Variants in DHX57 observed in about 807,000 individuals in gnomAD.
The protein encoded by DHX57 is putative ATP-dependent RNA helicase DHX57.
Under a neutral mutation model 156.2 loss-of-function variants are expected in DHX57, and 105 were observed. The ratio of observed to expected loss-of-function variants is 0.67; its 90% CI spans 0.57 to 0.79. The LOEUF (loss-of-function observed/expected upper bound fraction) is 0.79. Among genes scored for constraint, DHX57 ranks in the 30% least tolerant of loss-of-function variants. The probability of loss-of-function intolerance (pLI) is 0.00; values close to 1 mark genes in which losing one functional copy is unlikely to be tolerated. For missense variants in DHX57, 1,847 were observed against 1,661.9 expected, an observed-to-expected ratio of 1.11 and a Z score of -1.94; for synonymous variants, 704 against 595.6, an observed-to-expected ratio of 1.18 and a Z score of -2.65.
chr2:38,862,859 A>G (rs1003976723), intron 3 of DHX57: 6 of 156,726 alleles, frequency 3.8e-5, no homozygotes, highest in African/African-American at 1.4e-4. Flanking sequence ...GCTGTTCATG[A>G]CTGGCCACTA....
chr2:38,798,577 C>T (rs1669505195), intron 23 of DHX57, 135 bp from the exon 24 acceptor site: 11 of 986,192 alleles, frequency 1.1e-5, no homozygotes, highest in Middle Eastern at 2.3e-4. Context: ...AGCAAAAACC[C>T]TAAATACATT....
intron 17 of DHX57, among the ~76,000 whole-genome samples, chr2:38,822,551 G>C (rs1039805656): frequency 1.3e-4 from 20 of 151,750 alleles, no homozygotes; most frequent in African/African-American, 4.6e-4. Context: ...ACATCACCAC[G>C]CCTGGCTAAT....
Position 38,802,794 on chromosome 2 carries a change from A to C in DHX57, c.3938T>G (p.Val1313Gly). The part of the protein sequence containing the change: ...YPLVLFGGGQ[V>G]NVQLQRGEFV... ...CTCTCCTCTTTGAAGCTGCACATTC[A>C]CTTGGCCTCCTCCAAACAAGACCAG... The change falls in exon 23 of 24, where the codon GTG becomes GGG. Residue 1313 changes from valine to glycine, a missense_variant. Transcript: ENST00000457308. 1 of 1,614,120 alleles carries C rather than the reference A, an allele frequency of 6.2e-7. No homozygotes were observed. Among genetic ancestry groups the C allele is most frequent in the Non-Finnish European group, 8.5e-7 (1 of 1,180,026 alleles).
At chr2:38,857,952 G>C (rs368623925) in intron 6 of DHX57, among the ~76,000 whole-genome samples, 19 of 152,250 alleles carry the variant, frequency 1.2e-4, no homozygotes, top group African/African-American at 4.3e-4. Flanking sequence ...ATGTTTTCCA[G>C]GCTGGCATTG....
At chr2:38,855,732 G>A (rs1672864194) in intron 7 of DHX57, among the ~76,000 whole-genome samples, 1 of 152,126 alleles carries the variant, frequency 6.6e-6, no homozygotes, top group Non-Finnish European at 1.5e-5. Context: ...AATGAAGTCT[G>A]CAATTTGTCC....
intron 13 of DHX57, among the ~76,000 whole-genome samples, chr2:38,836,924 C>G (rs1172535313): frequency 6.6e-6 from 1 of 152,024 alleles, no homozygotes; most frequent in African/African-American, 2.4e-5. Context: ...GCGATCATGG[C>G]TCATGGCAGC....
intron 13 of DHX57, among the ~76,000 whole-genome samples, chr2:38,836,481 T>C (rs968071282): frequency 6.6e-6 from 1 of 152,218 alleles, no homozygotes; most frequent in African/African-American, 2.4e-5. Context: ...ACTGTAAGAA[T>C]ACAGTATGTA....
At chr2:38,822,347 C>G (rs1374323236) in intron 17 of DHX57, among the ~76,000 whole-genome samples, 1 of 152,100 alleles carries the variant, frequency 6.6e-6, no homozygotes, top group South Asian at 2.1e-4. Flanking sequence ...TCCCAAAGAG[C>G]TGGGATTACA....
At position 38,862,263 on chromosome 2, in the gene DHX57, C is replaced by A; in HGVS notation, c.454G>T (p.Gly152Ter). The A allele has an allele frequency of 6.2e-7, 1 of 1,613,946 alleles. No individual in the cohort carries two copies. Among genetic ancestry groups the A allele is most frequent in the Non-Finnish European group, 8.5e-7 (1 of 1,179,884 alleles). ...TCGGGAACGAGGGAAGGTTCCTGTC[C>A]AGCTGGCCAGTACCGCTCATCGTTA... ...CCNDERYWPAGQEPSLVPDLD... is the reference protein window; with the variant it reads ...CCNDERYWPA The change falls in exon 4 of 24, where the codon GGA becomes TGA. Residue 152 changes from glycine to a stop codon, truncating the protein, a stop_gained. Transcript: ENST00000457308. LOFTEE classifies it high-confidence loss of function.
At chr2:38,818,230 A>G (rs1306341873) in intron 19 of DHX57, among the ~76,000 whole-genome samples, 2 of 152,094 alleles carry the variant, frequency 1.3e-5, no homozygotes, top group Non-Finnish European at 2.9e-5. Flanking sequence ...GATTCAGGTT[A>G]AGAATGCCTG....
chr2:38,816,598 C>T (rs1444316058), intron 19 of DHX57, among the ~76,000 whole-genome samples: 1 of 152,136 alleles, frequency 6.6e-6, no homozygotes, highest in Admixed American at 6.6e-5. Flanking sequence ...CTTGTGGCTA[C>T]TGTTCTCACA....
rs757611370 is a variant in DHX57 at position 38,847,034 on chromosome 2, G to C, written c.2204C>G (p.Ala735Gly). The C allele has an allele frequency of 3.8e-5, 61 of 1,612,780 alleles. 1 individual carries two copies. Among genetic ancestry groups the C allele is most frequent in the Non-Finnish European group, 6.8e-6 (8 of 1,179,410 alleles). The change falls in exon 11 of 24, where the codon GCA becomes GGA. Residue 735 changes from alanine to glycine, a missense_variant. Coordinates refer to ENST00000457308, the MANE Select transcript of DHX57 (RefSeq NM_198963.3). ...FPVDQFFLED[A>G]IAVTRYVLQD... ...TCTTCCTTACCTTGTCACAGCAATT[G>C]CATCTTCCAAAAAAAATTGATCAAC... is the stretch of plus-strand genomic sequence containing the variant.
Position 38,823,246 on chromosome 2 carries a change from C to G in DHX57, c.3038G>C (p.Ser1013Thr). The change falls in exon 17 of 24, where the codon AGT becomes ACT. Residue 1013 changes from serine to threonine, a missense_variant. Ser to Thr is a moderately conservative substitution (Grantham distance 58). Transcript: ENST00000457308. Reference protein sequence around the residue: ...CLRIKILEMFSAHNLQSVFSR... With the variant: ...CLRIKILEMFTAHNLQSVFSR... Reference sequence around the variant, plus strand: ...GAACACAGACTGGAGATTATGAGCACTAAACATCTCTAAAATTTTAATTCT... The same window carrying G: ...GAACACAGACTGGAGATTATGAGCAGTAAACATCTCTAAAATTTTAATTCT... 2 of 1,611,780 alleles carry G rather than the reference C, an allele frequency of 1.2e-6. No homozygotes were observed. Among genetic ancestry groups the G allele is most frequent in the South Asian group, 2.2e-5 (2 of 90,838 alleles).
At chr2:38,816,716 G>A (rs1048921631) in intron 19 of DHX57, among the ~76,000 whole-genome samples, 1 of 152,182 alleles carries the variant, frequency 6.6e-6, no homozygotes, top group Admixed American at 6.6e-5. Context: ...TTCTTGGAAT[G>A]TCTCAAGTAT....
intron 7 of DHX57, 30 bp from the exon 8 acceptor site, chr2:38,855,282 T>C (rs1353548296): frequency 1.9e-6 from 3 of 1,611,332 alleles, no homozygotes; most frequent in South Asian, 1.1e-5. Context: ...AGTCCTAAAA[T>C]GAAGTTTTCA....
rs1665187376 is a variant in DHX57 at position 38,868,332 on chromosome 2, C to T, written c.74G>A (p.Gly25Glu). The T allele has an allele frequency of 2.5e-6, 4 of 1,613,874 alleles. No individual in the cohort carries two copies. The highest frequency in any genetic ancestry group is 2.7e-5 in the African/African-American group (2 of 75,044). The change falls in exon 2 of 24, where the codon GGA becomes GAA. Residue 25 changes from glycine to glutamate, a missense_variant. Physicochemically the swap from Gly to Glu is moderately conservative, Grantham distance 98. Transcript: ENST00000457308. The part of the protein sequence containing the change: ...GGKGSSRGGR[G>E]GRSHASKSHG... ...AGATTTACTGGCGTGACTCCTGCCT[C>T]CTCTTCCTCCTCTAGAAGACCCTTT...
intron 6 of DHX57, 44 bp from the exon 7 acceptor site, chr2:38,856,505 T>TC: frequency 2.5e-6 from 1 of 395,314 alleles, no homozygotes; most frequent in East Asian, 7.7e-5. Flanking sequence ...TACTTTTTCT[T>TC]TTTTTTTTTT....
chr2:38,818,764 T>C, intron 19 of DHX57, 113 bp downstream of exon 19: 2 of 1,233,354 alleles, frequency 1.6e-6, no homozygotes, highest in South Asian at 2.7e-5. Context: ...GCCAAACATA[T>C]TCCAGAAATA....
At chr2:38,840,813 A>C (rs748725686) in intron 12 of DHX57, among the ~76,000 whole-genome samples, 34 of 152,124 alleles carry the variant, frequency 2.2e-4, no homozygotes, top group Non-Finnish European at 8.8e-5. Context: ...AAATTTTGAA[A>C]GAAGCCAAAG....
Sources: allele counts gnomAD v4.1 joint callset (sites outside exome capture counted in the v4.1 genomes callset), GRCh38; gene constraint gnomAD v4.1.1; transcripts MANE v1.5; gene names NCBI Gene and HGNC (gene_info 2026-07-23, HGNC 2026-07-21).